TBC1D9: variants seen among roughly 807,000 people sequenced by gnomAD.
The protein encoded by TBC1D9 is TBC1 domain family member 9.
In TBC1D9, 63 loss-of-function variants were observed where a neutral mutation model predicts 132.0. The observed-to-expected ratio is 0.48, with a 90% CI of 0.39 to 0.59. The LOEUF is 0.59. Among genes scored for constraint, TBC1D9 ranks in the 20% least tolerant of loss-of-function variants. TBC1D9 has a pLI of 0.00. For missense variants in TBC1D9, 1,261 were observed against 1,592.7 expected, an observed-to-expected ratio of 0.79 and a Z score of 3.54; for synonymous variants, 610 against 609.9, an observed-to-expected ratio of 1.00 and a Z score of 0.00.
At chr4:140,638,831 T>A (rs1253930772) in intron 15 of TBC1D9, among the ~76,000 whole-genome samples, 1 of 152,232 alleles carries the variant, frequency 6.6e-6, no homozygotes, top group African/African-American at 2.4e-5. Flanking sequence ...ATAAGTATTA[T>A]GAAGCAATAA....
rs751906176 is a variant in TBC1D9, at chr4:140,678,956, C to T, written c.837G>A (p.Val279=). 41 of 1,613,730 alleles carry T rather than the reference C, an allele frequency of 2.5e-5. No individual in the cohort carries two copies. The highest frequency in any genetic ancestry group is 3.4e-5 in the Non-Finnish European group (40 of 1,179,798). The change falls in exon 5 of 21, where the codon GTG becomes GTA. Residue 279 remains valine, a synonymous_variant. Transcript: ENST00000442267. The stretch of plus-strand genomic sequence containing the variant: ...CTATCACCCACCGTTTTAGAGCAGA[C>T]ACTTTTTTAGGAGATTTCCTTTTGA... The part of the protein sequence containing the change: ...PKLKRKSPKK[V]SALKRDLDAR...
At chr4:140,728,106 T>C (rs546189707) in intron 1 of TBC1D9, among the ~76,000 whole-genome samples, 2 of 152,292 alleles carry the variant, frequency 1.3e-5, no homozygotes, top group South Asian at 4.1e-4. Flanking sequence ...TTTGCAGAAG[T>C]AGTATAGGGA....
At chr4:140,713,189 T>G (rs2111050569) in intron 1 of TBC1D9, among the ~76,000 whole-genome samples, 1 of 152,238 alleles carries the variant, frequency 6.6e-6, no homozygotes, top group African/African-American at 2.4e-5. Flanking sequence ...CCTCCCACTT[T>G]GGCCTCCCAA....
chr4:140,638,007 G>T (rs1009647500), intron 15 of TBC1D9, among the ~76,000 whole-genome samples: 9 of 152,210 alleles, frequency 5.9e-5, no homozygotes, highest in Non-Finnish European at 1.3e-4. Flanking sequence ...AGGCACTAGT[G>T]ACACCAACAT....
At chr4:140,634,679 G>A (rs1451891138) in intron 15 of TBC1D9, among the ~76,000 whole-genome samples, 7 of 152,184 alleles carry the variant, frequency 4.6e-5, no homozygotes, top group Non-Finnish European at 8.8e-5. Flanking sequence ...GAATCATGAT[G>A]AGATTTTGTG....
chr4:140,722,906 C>T lies in TBC1D9; in HGVS notation c.131-21292G>A, dbSNP rs190753906. On this transcript the variant is annotated intron_variant, in intron 1 of 20. Coordinates refer to ENST00000442267, the MANE Select transcript of TBC1D9 (RefSeq NM_015130.3). The stretch of plus-strand genomic sequence containing the variant: ...CATTGAGTTATAGCTTATTACTCTT[C>T]GGGGTTCTCTCTCACCTCTCAATCC... Among the ~76,000 whole-genome samples, 723 of 152,202 alleles carry T rather than the reference C, an allele frequency of 4.8e-3. 7 individuals are homozygous for T. Among genetic ancestry groups the T allele is most frequent in the African/African-American group, 0.016 (662 of 41,536 alleles).
At chr4:140,754,444 T>A (rs970426111) in intron 1 of TBC1D9, among the ~76,000 whole-genome samples, 22 of 151,550 alleles carry the variant, frequency 1.5e-4, no homozygotes, top group African/African-American at 4.9e-4. Context: ...TGAAACCCCA[T>A]CTATTAAAAA....
chr4:140,641,102 A>AAAAAAAAAAAAAAAAAAAAAAAAAAG (rs1736984031), intron 13 of TBC1D9, among the ~76,000 whole-genome samples: 1 of 95,482 alleles, frequency 1.0e-5, no homozygotes, highest in African/African-American at 5.0e-5. Flanking sequence ...AAAAAAAAAA[A>AAAAAAAAAAAAAAAAAAAAAAAAAAG]AACAAAAAAA....
chr4:140,652,183 G>A (rs1737196739), intron 13 of TBC1D9, among the ~76,000 whole-genome samples: 1 of 151,596 alleles, frequency 6.6e-6, no homozygotes, highest in African/African-American at 2.4e-5. Context: ...GGAGGTTGCA[G>A]TGAGCCAAGA....
intron 17 of TBC1D9, 87 bp from the exon 18 acceptor site, chr4:140,627,614 G>A (rs534517867): frequency 1.1e-5 from 10 of 907,052 alleles, no homozygotes; most frequent in Middle Eastern, 2.2e-4. Flanking sequence ...AATGACATAA[G>A]TGGGGATGAA....
At chr4:140,663,790 G>T (rs139767100) in intron 9 of TBC1D9, among the ~76,000 whole-genome samples, 15 of 152,138 alleles carry the variant, frequency 9.9e-5, no homozygotes, top group African/African-American at 3.6e-4. Context: ...GCCAGGCACA[G>T]AAAGACAAGT....
At position 140,667,324 on chromosome 4, in the gene TBC1D9, G is replaced by A. The variant is rs72947340; in HGVS notation, c.1588+1593C>T. On this transcript the variant is annotated intron_variant, in intron 9 of 20. Coordinates refer to ENST00000442267, the MANE Select transcript of TBC1D9 (RefSeq NM_015130.3). Reference sequence around the variant, plus strand: ...AACATTATCTCTGAGATAGGGCTGTGTACTATTGTTGTATACACTAGTTTC... The same window carrying A: ...AACATTATCTCTGAGATAGGGCTGTATACTATTGTTGTATACACTAGTTTC... 4.6e-4 allele frequency among the ~76,000 whole-genome samples: 70 copies of A among 152,278 alleles called. 1 individual carries two copies. The highest frequency in any genetic ancestry group is 1.6e-3 in the African/African-American group (68 of 41,556).
intron 1 of TBC1D9, 25 bp from the exon 2 acceptor site, chr4:140,701,639 C>T: frequency 1.3e-6 from 2 of 1,588,220 alleles, no homozygotes; most frequent in Middle Eastern, 1.7e-4. Flanking sequence ...TGGGGAGAAA[C>T]AGGTAAGAAT....
intron 16 of TBC1D9, among the ~76,000 whole-genome samples, chr4:140,630,357 A>C (rs1355105018): frequency 1.3e-5 from 2 of 152,184 alleles, no homozygotes; most frequent in Non-Finnish European, 2.9e-5. Flanking sequence ...GTATGCAAAA[A>C]ACCGTTTTGT....
intron 12 of TBC1D9, 40 bp from the exon 13 acceptor site, chr4:140,657,266 T>A (rs752881108): frequency 6.2e-7 from 1 of 1,601,576 alleles, no homozygotes; most frequent in African/African-American, 1.3e-5. Context: ...GAGAAGAAAC[T>A]GGAATCCTCC....
At chr4:140,667,857 G>A (rs1269104743) in intron 9 of TBC1D9, among the ~76,000 whole-genome samples, 1 of 152,184 alleles carries the variant, frequency 6.6e-6, no homozygotes, top group Non-Finnish European at 1.5e-5. Flanking sequence ...CCCTATTTCT[G>A]AGACATTTAT....
At position 140,676,987 on chromosome 4, in the gene TBC1D9, C is replaced by T; in HGVS notation, c.966G>A (p.Met322Ile). 1 of 1,613,958 alleles carries T rather than the reference C, an allele frequency of 6.2e-7. No homozygotes were observed. Among genetic ancestry groups the T allele is most frequent in the Non-Finnish European group, 8.5e-7 (1 of 1,179,890 alleles). Residue 322 changes from methionine (M) to isoleucine (I), a missense_variant, in exon 6 of 21, where the codon ATG becomes ATA. Met to Ile is a conservative substitution (Grantham distance 10, BLOSUM62 1). This residue lies in a region of TBC1D9 where 550 missense variants were observed against 699.0 expected (regional missense o/e 0.79). Transcript: ENST00000442267. ...ACACAAACATCTGCCCCAAAATGTG[C>T]ATTTTGTTAAATGGAGTCCAGAGAG... ...DCTLWTPFNK[M>I]HILGQMFVST...
intron 2 of TBC1D9, among the ~76,000 whole-genome samples, 183 bp from the exon 3 acceptor site, chr4:140,686,645 G>C (rs143116521): frequency 6.6e-6 from 1 of 152,148 alleles, no homozygotes; most frequent in East Asian, 1.9e-4. Flanking sequence ...ATGTGGAAAC[G>C]CAAGAGTAAT....
chr4:140,753,433 G>C (rs1738956108), intron 1 of TBC1D9, among the ~76,000 whole-genome samples: 2 of 152,168 alleles, frequency 1.3e-5, no homozygotes, highest in South Asian at 4.1e-4. Context: ...ATGGGAGGCA[G>C]TGGCAGAAGC....
Sources: gnomAD v4.1 joint callset for allele counts (sites outside exome capture counted in the v4.1 genomes callset) on GRCh38, gnomAD v4.1.1 for gene constraint, gnomAD v4.1.1 regional missense constraint, MANE v1.5 for transcripts, NCBI Gene and HGNC (gene_info 2026-07-23, HGNC 2026-07-21) for gene names.